Variants in LARGE1 observed in about 807,000 individuals in gnomAD.
The protein encoded by LARGE1 is xylosyl- and glucuronyltransferase LARGE1.
In LARGE1, 43 loss-of-function variants were observed where a neutral mutation model predicts 87.6. The ratio of observed to expected loss-of-function variants is 0.49; its 90% confidence interval spans 0.38 to 0.63. The LOEUF (loss-of-function observed/expected upper bound fraction) is 0.63, where lower values mean the gene tolerates loss of function less well. Ranked by LOEUF, LARGE1 falls within the 30% of genes least tolerant of loss-of-function variation. The pLI is 0.00. For synonymous variants in LARGE1, 434 were observed against 394.6 expected (o/e 1.10, Z -1.18); for missense variants, 802 against 1,000.2 (o/e 0.80, Z 2.67).
At chr22:33,466,692 C>A (rs978943224) in intron 6 of LARGE1, among the ~76,000 whole-genome samples, 10 of 110,138 alleles carry the variant, frequency 9.1e-5, no homozygotes, top group African/African-American at 2.3e-4. Context: ...CTCTCTCTCT[C>A]TACACACACA....
the LARGE1 span, among the ~76,000 whole-genome samples, chr22:33,097,002 G>T: frequency 6.6e-6 from 1 of 152,242 alleles, no homozygotes; most frequent in Admixed American, 6.5e-5. Flanking sequence ...ACTCCCCAGA[G>T]ACTTCTTGTG....
intron 2 of LARGE1, among the ~76,000 whole-genome samples, chr22:33,668,124 T>C (rs1033863936): frequency 8.5e-5 from 13 of 152,252 alleles, no homozygotes; most frequent in African/African-American, 2.9e-4. Flanking sequence ...CCTGCACTCA[T>C]ATTTCACTGC....
At chr22:33,590,132 T>C (rs1346364309) in intron 5 of LARGE1, among the ~76,000 whole-genome samples, 1 of 152,264 alleles carries the variant, frequency 6.6e-6, no homozygotes, top group African/African-American at 2.4e-5. Context: ...TCAATTTTTG[T>C]TTTGTGCTTA....
intron 1 of LARGE1, among the ~76,000 whole-genome samples, chr22:33,795,302 G>A (rs1169142932): frequency 6.6e-6 from 1 of 152,194 alleles, no homozygotes; most frequent in Non-Finnish European, 1.5e-5. Flanking sequence ...TTCATTAACA[G>A]CCATAATAAT....
chr22:33,701,680 T>C (rs1358351764), intron 2 of LARGE1, among the ~76,000 whole-genome samples: 5 of 152,248 alleles, frequency 3.3e-5, no homozygotes, highest in Middle Eastern at 3.4e-3. Context: ...GCAAAAGTGA[T>C]TGTAAGTGGA....
chr22:33,745,918 C>T (rs1028900076), intron 2 of LARGE1, among the ~76,000 whole-genome samples: 16 of 151,938 alleles, frequency 1.1e-4, no homozygotes, highest in African/African-American at 3.6e-4. Flanking sequence ...CAGGAGGGAG[C>T]GACCTTACAT....
chr22:33,297,021 T>C (rs1185451613), intron 12 of LARGE1, among the ~76,000 whole-genome samples: 1 of 152,136 alleles, frequency 6.6e-6, no homozygotes, highest in Non-Finnish European at 1.5e-5. Flanking sequence ...GCTCAGTAAA[T>C]GTTGAATGTT....
intron 2 of LARGE1, among the ~76,000 whole-genome samples, chr22:33,747,998 G>A (rs888738675): frequency 7.2e-6 from 1 of 139,676 alleles, no homozygotes; most frequent in Non-Finnish European, 1.5e-5. Context: ...TGCCAGAAAT[G>A]GGGCACTGTG....
At chr22:33,906,795 G>A (rs1443487033) in intron 1 of LARGE1, among the ~76,000 whole-genome samples, 8 of 152,018 alleles carry the variant, frequency 5.3e-5, no homozygotes, top group African/African-American at 1.9e-4. Flanking sequence ...AGAAAGACTG[G>A]CCTCTTCTTC....
At chr22:33,679,468 G>GCGCACACA (rs1555994479) in intron 2 of LARGE1, among the ~76,000 whole-genome samples, 10 of 147,592 alleles carry the variant, frequency 6.8e-5, no homozygotes, top group African/African-American at 2.5e-4. Flanking sequence ...ACACACACAC[G>GCGCACACA]CACACACACA....
chr22:33,476,968 AG>A (rs1271184023), intron 6 of LARGE1, among the ~76,000 whole-genome samples: 4 of 152,322 alleles, frequency 2.6e-5, no homozygotes, highest in African/African-American at 9.6e-5. Context: ...CTGGAATCGA[AG>A]GACAGTGGGG....
intron 6 of LARGE1, among the ~76,000 whole-genome samples, chr22:33,524,708 T>A (rs564977273): frequency 1.3e-5 from 2 of 150,706 alleles, no homozygotes; most frequent in East Asian, 3.9e-4. Flanking sequence ...ACCACGTCAC[T>A]CTTCCTGGTT....
intron 11 of LARGE1, among the ~76,000 whole-genome samples, chr22:33,222,460 T>C (rs577653422): frequency 6.6e-6 from 1 of 152,310 alleles, no homozygotes; most frequent in South Asian, 2.1e-4. Context: ...ATTCCCAAAA[T>C]GTGCAAATGT....
At position 33,260,993 on chromosome 22, in the gene LARGE1, C is replaced by T. The variant is rs1369202578; in HGVS notation, c.1730+43236G>A. On this transcript the variant is annotated intron_variant, in intron 11 of 11. Coordinates refer to the LARGE1 transcript ENST00000608642. ...ATGTCAGGGTTTTCAAAATGAAATG[C>T]CAATGAATTGCCCAAGGGAAGAACC... 2.6e-5 allele frequency among the ~76,000 whole-genome samples: 4 copies of T among 152,136 alleles called. No homozygotes were observed. In the East Asian group the frequency reaches 7.7e-4, roughly 29 times the overall value.
chr22:33,346,122 T>G (rs1939713263), intron 9 of LARGE1, among the ~76,000 whole-genome samples: 1 of 152,122 alleles, frequency 6.6e-6, no homozygotes, highest in Non-Finnish European at 1.5e-5. Flanking sequence ...GCAATCCTAG[T>G]ATTTCTTAAA....
At chr22:33,557,759 G>T (rs2077735615) in intron 6 of LARGE1, among the ~76,000 whole-genome samples, 1 of 152,110 alleles carries the variant, frequency 6.6e-6, no homozygotes, top group Non-Finnish European at 1.5e-5. Context: ...TAGAGATGGG[G>T]TTTCGCCATG....
At chr22:33,775,527 T>C (rs774621812) in intron 1 of LARGE1, among the ~76,000 whole-genome samples, 2 of 152,136 alleles carry the variant, frequency 1.3e-5, no homozygotes, top group Non-Finnish European at 2.9e-5. Context: ...CAGGGGACAT[T>C]TGGCAATGTG....
chr22:33,616,833 TG>T (rs2079595636), intron 4 of LARGE1, among the ~76,000 whole-genome samples: 3 of 152,198 alleles, frequency 2.0e-5, no homozygotes, highest in African/African-American at 7.2e-5. Context: ...TGAGTAGTAT[TG>T]GGGCTGGGGA....
chr22:33,148,373 A>T, the LARGE1 span, among the ~76,000 whole-genome samples: 1 of 152,170 alleles, frequency 6.6e-6, no homozygotes, highest in Admixed American at 6.6e-5. Flanking sequence ...AACACCATGA[A>T]CTTGAGATCC....
Sources: allele counts gnomAD v4.1 joint callset (sites outside exome capture counted in the v4.1 genomes callset), GRCh38; gene constraint gnomAD v4.1.1; transcripts MANE v1.5; gene names NCBI Gene and HGNC (gene_info 2026-07-23, HGNC 2026-07-21).